GPC5: variants seen among roughly 807,000 people sequenced by gnomAD.
The protein encoded by GPC5 is glypican 5.
Under a neutral mutation model 53.9 loss-of-function variants are expected in GPC5, and 47 were observed. The ratio of observed to expected loss-of-function variants is 0.87; its 90% CI spans 0.69 to 1.11. The LOEUF (loss-of-function observed/expected upper bound fraction) is 1.11. Ranked by LOEUF, GPC5 falls within the 50% of genes most tolerant of loss-of-function variation. The pLI is 0.00. For synonymous variants in GPC5, 286 were observed against 263.3 expected, an observed-to-expected ratio of 1.09 and a Z score of -0.84; for missense variants, 748 against 713.1, an observed-to-expected ratio of 1.05 and a Z score of -0.56.
At chr13:91,890,330 T>C (rs764230979) in intron 5 of GPC5, among the ~76,000 whole-genome samples, 8 of 152,204 alleles carry the variant, frequency 5.3e-5, no homozygotes, top group Non-Finnish European at 8.8e-5. Context: ...TAAATGACTC[T>C]ATTTTAATCC....
intron 7 of GPC5, among the ~76,000 whole-genome samples, chr13:92,636,346 A>G (rs986364210): frequency 3.3e-5 from 5 of 152,216 alleles, no homozygotes; most frequent in Non-Finnish European, 7.3e-5. Flanking sequence ...ATCTTGCAAT[A>G]CATCAGTAAA....
At chr13:92,598,052 C>T (rs1207655737) in intron 7 of GPC5, among the ~76,000 whole-genome samples, 1 of 152,154 alleles carries the variant, frequency 6.6e-6, no homozygotes, top group African/African-American at 2.4e-5. Flanking sequence ...GTTCCTAGGT[C>T]ATTCCATCTA....
At chr13:91,855,177 T>C (rs866292324) in intron 5 of GPC5, among the ~76,000 whole-genome samples, 6 of 151,748 alleles carry the variant, frequency 4.0e-5, no homozygotes, top group African/African-American at 1.4e-4. Context: ...TAATAGATGT[T>C]GACCGACTTT....
chr13:91,424,239 A>G (rs892265038), intron 1 of GPC5, among the ~76,000 whole-genome samples: 1 of 145,452 alleles, frequency 6.9e-6, no homozygotes, highest in African/African-American at 2.5e-5. Flanking sequence ...CTGGGGACAC[A>G]TGGTGGCAAG....
At chr13:92,347,900 TAA>T (rs1491558406) in intron 7 of GPC5, among the ~76,000 whole-genome samples, 24 of 11,736 alleles carry the variant, frequency 2.0e-3, no homozygotes, top group African/African-American at 9.6e-3. Context: ...ATTATATATA[TAA>T]TATATATATA....
At chr13:92,839,023 G>A (rs929983522) in intron 7 of GPC5, among the ~76,000 whole-genome samples, 2 of 152,192 alleles carry the variant, frequency 1.3e-5, no homozygotes, top group East Asian at 3.9e-4. Flanking sequence ...CAAAATATTT[G>A]CGGAGTAGGA....
At chr13:91,958,178 TGG>T (rs2040091727) in intron 6 of GPC5, among the ~76,000 whole-genome samples, 1 of 148,668 alleles carries the variant, frequency 6.7e-6, no homozygotes, top group Non-Finnish European at 1.5e-5. Context: ...GAAAGTAAAG[TGG>T]GGGAAACAGA....
intron 1 of GPC5, among the ~76,000 whole-genome samples, chr13:91,445,001 A>G (rs1880686024): frequency 6.6e-6 from 1 of 152,200 alleles, no homozygotes. Flanking sequence ...TGCCTTTTCC[A>G]TCTTAACTAA....
chr13:92,391,211 T>G (rs1315170892), intron 7 of GPC5, among the ~76,000 whole-genome samples: 1 of 152,162 alleles, frequency 6.6e-6, no homozygotes, highest in Non-Finnish European at 1.5e-5. Flanking sequence ...TTAATATCAT[T>G]AATTCTCCAA....
At chr13:92,422,876 G>T (rs754417649) in intron 7 of GPC5, among the ~76,000 whole-genome samples, 2 of 152,222 alleles carry the variant, frequency 1.3e-5, no homozygotes, top group Non-Finnish European at 2.9e-5. Context: ...AGTTAGCTGG[G>T]CTGGGTCACC....
intron 7 of GPC5, among the ~76,000 whole-genome samples, chr13:92,234,333 T>A (rs1220339856): frequency 6.6e-6 from 1 of 152,286 alleles, no homozygotes; most frequent in Non-Finnish European, 1.5e-5. Context: ...GTTTCCTGAC[T>A]TTTTAATGAT....
chr13:92,193,463 TC>T (rs1251695654), intron 7 of GPC5, among the ~76,000 whole-genome samples: 1 of 152,164 alleles, frequency 6.6e-6, no homozygotes, highest in Non-Finnish European at 1.5e-5. Flanking sequence ...AAAGGAGAAT[TC>T]CCAGAGAGTT....
intron 4 of GPC5, among the ~76,000 whole-genome samples, chr13:91,752,224 G>A (rs1474925328): frequency 6.6e-6 from 1 of 151,868 alleles, no homozygotes; most frequent in African/African-American, 2.4e-5. Flanking sequence ...AAAATTTTAT[G>A]TGTGGGTATG....
intron 5 of GPC5, among the ~76,000 whole-genome samples, chr13:91,888,504 C>G (rs761838563): frequency 7.2e-5 from 11 of 152,186 alleles, no homozygotes; most frequent in Non-Finnish European, 1.5e-4. Flanking sequence ...CAGCTTCTCT[C>G]AGTTGTGAGC....
chr13:91,795,785 G>A (rs2038037063), intron 5 of GPC5, among the ~76,000 whole-genome samples: 1 of 152,010 alleles, frequency 6.6e-6, no homozygotes, highest in Non-Finnish European at 1.5e-5. Flanking sequence ...CCCATTCCAT[G>A]AGCATTCCGG....
At position 92,284,662 on chromosome 13, in the gene GPC5, G is replaced by T. The variant is rs188454165; in HGVS notation, c.1561+139673G>T. ...AAAACACATGATTATCTCAATAGAT[G>T]CAGAAAACGCCTCTGACAAAATTCA... On this transcript the variant is annotated intron_variant, in intron 7 of 7. Coordinates refer to ENST00000377067, the MANE Select transcript of GPC5 (RefSeq NM_004466.6). Among the ~76,000 whole-genome samples, 930 of 152,250 alleles carry T rather than the reference G, an allele frequency of 6.1e-3. 9 individuals are homozygous for T. Among genetic ancestry groups the T allele is most frequent in the African/African-American group, 0.021 (881 of 41,548 alleles).
chr13:92,318,307 C>T (rs915348349), intron 7 of GPC5, among the ~76,000 whole-genome samples: 3 of 152,052 alleles, frequency 2.0e-5, no homozygotes, highest in African/African-American at 4.8e-5. Flanking sequence ...TTTGCCAATA[C>T]CTGTGTTGTA....
intron 7 of GPC5, among the ~76,000 whole-genome samples, chr13:92,529,543 A>C (rs1881478644): frequency 6.6e-6 from 1 of 152,206 alleles, no homozygotes; most frequent in Non-Finnish European, 1.5e-5. Context: ...AACTGTCTTT[A>C]GGTGGCTTAA....
chr13:92,482,559 TG>T (rs1393787393), intron 7 of GPC5, among the ~76,000 whole-genome samples: 19 of 152,208 alleles, frequency 1.2e-4, no homozygotes, highest in African/African-American at 4.6e-4. Context: ...TTTCCAGCTT[TG>T]GCCAGGGTTT....
Sources: allele counts gnomAD v4.1 joint callset (sites outside exome capture counted in the v4.1 genomes callset), GRCh38; gene constraint gnomAD v4.1.1; transcripts MANE v1.5; gene names NCBI Gene and HGNC (gene_info 2026-07-23, HGNC 2026-07-21).